ANK2: variants seen among roughly 807,000 people sequenced by gnomAD.
The protein encoded by ANK2 is ankyrin 2.
Under a neutral mutation model 360.5 loss-of-function variants are expected in ANK2, and 83 were observed. The observed-to-expected ratio is 0.23, with a 90% CI of 0.19 to 0.28. The LOEUF (loss-of-function observed/expected upper bound fraction) is 0.28. Ranked by LOEUF, ANK2 falls within the 10% of genes least tolerant of loss-of-function variation. The pLI, the probability that ANK2 is intolerant of heterozygous loss-of-function variation, is 1.00. For synonymous variants in ANK2, 1,740 were observed against 1,759.5 expected (o/e 0.99, Z 0.28); for missense variants, 4,201 against 4,795.7 (o/e 0.88, Z 3.66).
At chr4:112,946,091 A>T (rs1441108517) in intron 2 of ANK2, among the ~76,000 whole-genome samples, 1 of 152,094 alleles carries the variant, frequency 6.6e-6, no homozygotes, top group Non-Finnish European at 1.5e-5. Flanking sequence ...TAAATTAGTG[A>T]TTTTCTGGGC....
chr4:112,893,965 C>T (rs1309345268), intron 1 of ANK2, among the ~76,000 whole-genome samples: 1 of 152,174 alleles, frequency 6.6e-6, no homozygotes, highest in Non-Finnish European at 1.5e-5. Flanking sequence ...CCACTGCACT[C>T]CAGCCTGGGC....
intron 2 of ANK2, among the ~76,000 whole-genome samples, chr4:112,951,523 G>C (rs2094998597): frequency 6.6e-6 from 1 of 151,960 alleles, no homozygotes; most frequent in Non-Finnish European, 1.5e-5. Context: ...CTTCTAATTT[G>C]TTTTTCTGAT....
chr4:112,795,566 C>T, the ANK2 span, among the ~76,000 whole-genome samples: 58 of 152,032 alleles, frequency 3.8e-4, no homozygotes, highest in African/African-American at 1.3e-3. Context: ...TACAGTGGTG[C>T]GATCTCGGCC....
intron 2 of ANK2, among the ~76,000 whole-genome samples, chr4:113,016,853 T>C (rs1251289286): frequency 6.6e-6 from 1 of 152,156 alleles, no homozygotes; most frequent in East Asian, 1.9e-4. Flanking sequence ...TACCCTGCCC[T>C]CTGAGGCTGA....
intron 1 of ANK2, among the ~76,000 whole-genome samples, chr4:113,117,772 G>A (rs2094968015): frequency 6.6e-6 from 1 of 152,168 alleles, no homozygotes; most frequent in Admixed American, 6.5e-5. Context: ...GAGGGTTAAA[G>A]TATTTTCTTC....
chr4:113,003,109 G>T (rs2051418546), intron 2 of ANK2, among the ~76,000 whole-genome samples: 1 of 152,134 alleles, frequency 6.6e-6, no homozygotes, highest in Admixed American at 6.6e-5. Flanking sequence ...GTAAAAGTTT[G>T]ATCTCTTTGA....
At chr4:113,218,529 T>A (rs1397394442) in intron 4 of ANK2, among the ~76,000 whole-genome samples, 3 of 152,030 alleles carry the variant, frequency 2.0e-5, no homozygotes, top group African/African-American at 4.8e-5. Flanking sequence ...TTCCTGGGTG[T>A]ATATCTCAGG....
intron 4 of ANK2, among the ~76,000 whole-genome samples, chr4:113,220,613 T>C (rs2099139522): frequency 6.6e-6 from 1 of 152,198 alleles, no homozygotes; most frequent in Non-Finnish European, 1.5e-5. Context: ...AATTATTCCA[T>C]CATAGCTTAA....
chr4:113,315,860 G>A (rs1472683985), intron 24 of ANK2, among the ~76,000 whole-genome samples: 3 of 134,288 alleles, frequency 2.2e-5, no homozygotes, highest in Non-Finnish European at 4.5e-5. Context: ...TCGCGCCACT[G>A]CACTCCAGCC....
At chr4:112,717,569 A>G in the ANK2 span, among the ~76,000 whole-genome samples, 5 of 152,204 alleles carry the variant, frequency 3.3e-5, no homozygotes, top group Non-Finnish European at 5.9e-5. Flanking sequence ...TAATAGACAT[A>G]TTTAATACAA....
chr4:113,140,765 G>A lies in ANK2; in HGVS notation c.85-33651G>A, dbSNP rs932705674. Among the ~76,000 whole-genome samples the A allele has an allele frequency of 2.6e-5, 4 of 152,002 alleles. No individual in the cohort carries two copies. In the South Asian group the frequency reaches 6.2e-4, roughly 24 times the overall value. ...AGGCCGAGGCAGGTGTATCACTTGA[G>A]GTCAGGAGTTCAAGACCAGCCTAAC... On this transcript the variant is annotated intron_variant, in intron 1 of 45. Coordinates refer to ENST00000357077, the MANE Select transcript of ANK2 (RefSeq NM_001148.6).
chr4:113,179,595 T>A (rs1435661889), intron 2 of ANK2, among the ~76,000 whole-genome samples: 1 of 152,220 alleles, frequency 6.6e-6, no homozygotes, highest in Admixed American at 6.5e-5. Flanking sequence ...TTTATTTTCT[T>A]TAAAAGATTA....
rs2095811782 is a variant in ANK2, at chr4:113,356,815, T to C, written c.8197T>C (p.Ser2733Pro). 1 of 1,613,940 alleles carries C rather than the reference T, an allele frequency of 6.2e-7. No individual in the cohort carries two copies. Among genetic ancestry groups the C allele is most frequent in the African/African-American group, 1.3e-5 (1 of 74,978 alleles). Residue 2733 changes from serine (S) to proline (P), a missense_variant, in exon 38 of 46, where the codon TCA becomes CCA. Transcript: ENST00000357077. The stretch of plus-strand genomic sequence containing the variant: ...AGATACTCAGGAAGAGCCAGGCAAA[T>C]CAGAAGAAGAAAAAGATTCTGAATC... ...NEDTQEEPGK[S>P]EEEKDSESHL...
At chr4:113,066,579 G>A (rs1465921434) in intron 1 of ANK2, among the ~76,000 whole-genome samples, 1 of 152,172 alleles carries the variant, frequency 6.6e-6, no homozygotes, top group African/African-American at 2.4e-5. Flanking sequence ...GAAAAGGCTA[G>A]GCAAGAGCTC....
At chr4:113,216,801 C>G (rs2099090001) in intron 4 of ANK2, among the ~76,000 whole-genome samples, 1 of 152,118 alleles carries the variant, frequency 6.6e-6, no homozygotes, top group South Asian at 2.1e-4. Flanking sequence ...GCAACACCTT[C>G]CCTTAAAGTT....
At chr4:113,283,214 G>C (rs1174202215) in intron 18 of ANK2, among the ~76,000 whole-genome samples, 1 of 152,160 alleles carries the variant, frequency 6.6e-6, no homozygotes, top group East Asian at 1.9e-4. Context: ...TTGCTCCAGT[G>C]TCTGCTGCTC....
At chr4:112,840,301 C>G (rs2061827791) in intron 1 of ANK2, among the ~76,000 whole-genome samples, 1 of 152,168 alleles carries the variant, frequency 6.6e-6, no homozygotes, top group Non-Finnish European at 1.5e-5. Flanking sequence ...TAGGGAGATA[C>G]AGTGATACAG....
In ANK2 at chr4:113,311,382, G is replaced by A. The variant is rs1266296446; in HGVS notation, c.2676G>A (p.Glu892=). 1 of 1,614,128 alleles carries A rather than the reference G, an allele frequency of 6.2e-7. No homozygotes were observed. The highest frequency in any genetic ancestry group is 1.7e-5 in the Admixed American group (1 of 60,012). The change falls in exon 24 of 46, where the codon GAG becomes GAA. Residue 892 remains glutamate, a synonymous_variant. Coordinates refer to ENST00000357077, the MANE Select transcript of ANK2 (RefSeq NM_001148.6). ...TGAATTACCTGCGATACAGCTTGGAGGGAGGACGATCTGACAGGTATCTCA... is the reference window on the plus strand; with the variant it reads ...TGAATTACCTGCGATACAGCTTGGAAGGAGGACGATCTGACAGGTATCTCA... ...DGMNYLRYSL[E]GGRSDSLRSF...
At chr4:113,366,410 T>TTTTTTTTTA in intron 41 of ANK2, among the ~76,000 whole-genome samples, 1 of 149,804 alleles carries the variant, frequency 6.7e-6, no homozygotes, top group African/African-American at 2.5e-5. Flanking sequence ...TTTTTTTTTT[T>TTTTTTTTTA]TTTTAACTTT....
Sources: allele counts gnomAD v4.1 joint callset (sites outside exome capture counted in the v4.1 genomes callset), GRCh38; gene constraint gnomAD v4.1.1; transcripts MANE v1.5; gene names NCBI Gene and HGNC (gene_info 2026-07-23, HGNC 2026-07-21).